PIEZO1: variants seen among roughly 807,000 people sequenced by gnomAD.
PIEZO1 encodes piezo-type mechanosensitive ion channel component 1.
Under a neutral mutation model 297.2 loss-of-function variants are expected in PIEZO1, and 296 were observed. That is an observed-to-expected ratio of 1.00 (90% CI 0.91 to 1.10). The LOEUF is 1.10. Among genes scored for constraint, PIEZO1 ranks in the 50% least tolerant of loss-of-function variants. PIEZO1 has a pLI of 0.00. For synonymous variants in PIEZO1, 2,427 were observed against 1,507.5 expected (o/e 1.61, Z -14.13); for missense variants, 5,018 against 3,455.5 (o/e 1.45, Z -11.34).
At chr16:88,740,632 G>C (rs1905579519) in intron 5 of PIEZO1, 1 of 152,384 alleles carries the variant, frequency 6.6e-6, no homozygotes, top group African/African-American at 2.4e-5. Context: ...GCCTCTGCAG[G>C]CTGAGCAGGT....
rs905149830 is a variant in PIEZO1 at position 88,734,978 on chromosome 16, T to C, written c.1745A>G (p.Tyr582Cys). 3.2e-5 allele frequency: 50 copies of C among 1,550,362 alleles called. No homozygotes were observed. The highest frequency in any genetic ancestry group is 2.5e-4 in the Admixed American group (13 of 50,990). ...CACGATGAACATGCCAGCACACACA[T>C]AGATCCAGTACTTGGCGTACACGCC... ...VKGVYAKYWI[Y>C]VCAGMFIVVS... Residue 582 changes from tyrosine to cysteine, a missense_variant, in exon 14 of 51, where the codon TAT becomes TGT. Physicochemically the swap from Tyr to Cys is radical, Grantham distance 194. Coordinates refer to ENST00000301015, the MANE Select transcript of PIEZO1 (RefSeq NM_001142864.4).
chr16:88,728,632 C>A lies in PIEZO1; in HGVS notation c.3197-971G>T, dbSNP rs71395319. 8.9e-5 allele frequency among the ~76,000 whole-genome samples: 4 copies of A among 44,784 alleles called. 1 individual carries two copies. Among genetic ancestry groups the A allele is most frequent in the Non-Finnish European group, 1.7e-4 (4 of 23,330 alleles). The allele number at this position is 44,784 out of a possible 152,430, so 29.4% of individuals were successfully genotyped here. Reference sequence around the variant, plus strand: ...CCCATCTGCCACAGAGGGAACCTCGCGACACAAAAACAAAGTGACCCTCGA... The same window carrying A: ...CCCATCTGCCACAGAGGGAACCTCGAGACACAAAAACAAAGTGACCCTCGA... On this transcript the variant is annotated intron_variant, in intron 22 of 50. Transcript: ENST00000301015.
intron 5 of PIEZO1, chr16:88,740,624 C>T (rs552650385): frequency 6.6e-6 from 1 of 152,424 alleles, no homozygotes; most frequent in Non-Finnish European, 1.5e-5. Context: ...GGCAGGCCGC[C>T]TCTGCAGGCT....
chr16:88,766,598 C>G (rs911984941), intron 1 of PIEZO1, among the ~76,000 whole-genome samples: 5 of 152,174 alleles, frequency 3.3e-5, no homozygotes, highest in African/African-American at 1.2e-4. Context: ...CTGGGCCCAG[C>G]TGACTGAGCT....
Position 88,733,431 on chromosome 16 carries a change from C to T in PIEZO1, c.2511G>A (p.Leu837=), listed in dbSNP as rs750003440. 3 of 1,549,280 alleles carry T rather than the reference C, an allele frequency of 1.9e-6. No homozygotes were observed. Among genetic ancestry groups the T allele is most frequent in the South Asian group, 1.2e-5 (1 of 84,058 alleles). ...LKEVSVMNLL[L]VVLWAFALPY... ...GCAGGGCGAAGGCCCACAGCACCAC[C>T]AGCAGCAGGTTCATCACCGACACCT... The change falls in exon 19 of 51, where the codon CTG becomes CTA. Residue 837 remains leucine (L), a synonymous_variant. Transcript: ENST00000301015.
rs540728835 is a variant in PIEZO1 at position 88,733,317 on chromosome 16, C to T, written c.2625G>A (p.Lys875=). ...TGGAATACTCCTGGGGGTTGACAAC[C>T]TTGAGCTGGTACAGCATCTTACACA... ...IIVCKMLYQL[K]VVNPQEYSSN... The change falls in exon 19 of 51, where the codon AAG becomes AAA. Residue 875 remains lysine (K), a synonymous_variant. Transcript: ENST00000301015. The T allele has an allele frequency of 5.8e-6, 9 of 1,549,614 alleles. No individual in the cohort carries two copies. The highest frequency in any genetic ancestry group is 1.4e-5 in the African/African-American group (1 of 73,180).
rs1906956993 is a variant in PIEZO1, at chr16:88,762,068, A to G, written c.65-12589T>C. Among the ~76,000 whole-genome samples, 3 of 152,336 alleles carry G rather than the reference A, an allele frequency of 2.0e-5. No individual in the cohort carries two copies. The South Asian group carries it at 6.2e-4, about 32-fold the overall frequency. ...AGATACAGGTAAATAGGTGGGGGAC[A>G]GTGGGTAGAGGGTGTGGCCCCAGGA... On this transcript the variant is annotated intron_variant, in intron 1 of 50. Coordinates refer to ENST00000301015, the MANE Select transcript of PIEZO1 (RefSeq NM_001142864.4).
chr16:88,728,482 C>A (rs1375908114), intron 22 of PIEZO1, among the ~76,000 whole-genome samples: 1 of 146,452 alleles, frequency 6.8e-6, no homozygotes, highest in African/African-American at 2.5e-5. Context: ...GCAAAGTGAC[C>A]CTCGATGCTG....
At chr16:88,761,106 G>A (rs1418207533) in intron 1 of PIEZO1, among the ~76,000 whole-genome samples, 1 of 152,196 alleles carries the variant, frequency 6.6e-6, no homozygotes, top group Non-Finnish European at 1.5e-5. Context: ...TGTGAAGAAG[G>A]TGACTGTGCA....
In PIEZO1 at chr16:88,723,002, G is replaced by A; in HGVS notation, c.4503C>T (p.Ser1501=). 2 of 1,546,284 alleles carry A rather than the reference G, an allele frequency of 1.3e-6. No individual in the cohort carries two copies. The highest frequency in any genetic ancestry group is 1.7e-6 in the Non-Finnish European group (2 of 1,145,950). Reference sequence around the variant, plus strand: ...TGCTCAGCACCCTCTGCACCACATGGCTCCGGCCTGCGGGAGGGCGGGAGG... The same window carrying A: ...TGCTCAGCACCCTCTGCACCACATGACTCCGGCCTGCGGGAGGGCGGGAGG... ...EGPEEAAAGR[S]HVVQRVLSTA... is the part of the protein sequence containing the mutation. The change falls in exon 34 of 51, where the codon AGC becomes AGT. Residue 1501 remains serine (S), a synonymous_variant. Coordinates refer to ENST00000301015, the MANE Select transcript of PIEZO1 (RefSeq NM_001142864.4).
intron 30 of PIEZO1, 84 bp from the exon 31 acceptor site, chr16:88,724,055 C>A (rs1326503384): frequency 5.1e-6 from 4 of 786,978 alleles, no homozygotes; most frequent in African/African-American, 1.7e-5. Flanking sequence ...GGCCAAGGCC[C>A]GAGAGCCACC....
In PIEZO1 at chr16:88,741,562, G is replaced by A. The variant is rs1311920634; in HGVS notation, c.381C>T (p.Gly127=). The change falls in exon 5 of 51, where the codon GGC becomes GGT. Residue 127 remains glycine, a synonymous_variant. Transcript: ENST00000301015. ...GGCAGACAGAGGAGACCACCAAGAT[G>A]CCCAGGTCAGGGGCCACCAGCCGGA... The part of the protein sequence containing the change: ...NAIRLVAPDL[G]ILVVSSVCLG... The A allele has an allele frequency of 1.5e-5, 23 of 1,535,738 alleles. 1 individual carries two copies. The highest frequency in any genetic ancestry group is 1.2e-4 in the African/African-American group (9 of 73,152).
Position 88,756,520 on chromosome 16 carries a change from G to A in PIEZO1, c.65-7041C>T, listed in dbSNP as rs540329457. Among the ~76,000 whole-genome samples, 13 of 152,292 alleles carry A rather than the reference G, an allele frequency of 8.5e-5. No homozygotes were observed. The South Asian group carries it at 1.0e-3, about 12-fold the overall frequency. On this transcript the variant is annotated intron_variant, in intron 1 of 50. Transcript: ENST00000301015. ...TGTAATCCCAGCACTTTGGGAGGCCGAGGCGGGAAGATGGCTCAAGCCCGC... is the reference window on the plus strand; with the variant it reads ...TGTAATCCCAGCACTTTGGGAGGCCAAGGCGGGAAGATGGCTCAAGCCCGC...
chr16:88,778,004 C>T (rs1407062357), intron 1 of PIEZO1, among the ~76,000 whole-genome samples: 1 of 152,258 alleles, frequency 6.6e-6, no homozygotes, highest in Non-Finnish European at 1.5e-5. Flanking sequence ...AGCCACAAGC[C>T]TCCGGGAGCT....
At position 88,732,411 on chromosome 16, in the gene PIEZO1, CG is replaced by C; in HGVS notation, c.2914del (p.Arg972AlafsTer30). On this transcript the variant is annotated frameshift_variant, in exon 21 of 51. Transcript: ENST00000301015. LOFTEE classifies it high-confidence loss of function. ...GAGCAGATCCTGGTCCAGCTGCTGGCGGGTGCCGCTGGCAAACACGGCCTGG... is the reference window on the plus strand; with the variant it reads ...GAGCAGATCCTGGTCCAGCTGCTGGCGGTGCCGCTGGCAAACACGGCCTGG... ...PAQAVFASGT[R>X]QQLDQDLLGC... 3.2e-6 allele frequency: 5 copies of C among 1,549,774 alleles called. No homozygotes were observed. The highest frequency in any genetic ancestry group is 4.4e-6 in the Non-Finnish European group (5 of 1,146,554).
chr16:88,724,573 A>G (rs1357215469), intron 30 of PIEZO1, among the ~76,000 whole-genome samples: 4 of 150,502 alleles, frequency 2.7e-5, no homozygotes, highest in East Asian at 2.0e-4. Flanking sequence ...ACATGCTTGT[A>G]GTCTCAGTTA....
chr16:88,718,106 T>TAGAC (rs1334285740), intron 44 of PIEZO1: 1 of 207,166 alleles, frequency 4.8e-6, no homozygotes, highest in African/African-American at 2.4e-5. Flanking sequence ...AGGATTTGAA[T>TAGAC]AGACATTTCC....
intron 1 of PIEZO1, among the ~76,000 whole-genome samples, chr16:88,778,950 C>A (rs569767255): frequency 1.3e-5 from 2 of 151,838 alleles, no homozygotes; most frequent in Non-Finnish European, 2.9e-5. Flanking sequence ...GTGCATGGCG[C>A]GTTCACCAGA....
In PIEZO1 at chr16:88,723,834, T is replaced by C. The variant is rs1024146376; in HGVS notation, c.4335+37A>G. 3.7e-6 allele frequency: 4 copies of C among 1,086,090 alleles called. No homozygotes were observed. The African/African-American group carries it at 4.7e-5, about 13-fold the overall frequency. The allele number at this position is 1,086,090 out of a possible 1,614,324, so 67.3% of individuals were successfully genotyped here. A position where few individuals can be genotyped will look rare whatever the true frequency, so the allele number is the denominator to read the frequency against. ...CCCTGGTCCAGGACCACAAGCTCTG[T>C]GGTTGGAGTGGGGCCGACGGGGCTC... On this transcript the variant is annotated intron_variant, in intron 31 of 50. Transcript: ENST00000301015.
Sources: gnomAD v4.1 joint callset for allele counts (sites outside exome capture counted in the v4.1 genomes callset) on GRCh38, gnomAD v4.1.1 for gene constraint, MANE v1.5 for transcripts, NCBI Gene and HGNC (gene_info 2026-07-23, HGNC 2026-07-21) for gene names.